Variants in TRMT11 observed in about 807,000 individuals in gnomAD.
TRMT11 encodes tRNA methyltransferase 11, also known as tRNA (guanine(10)-N(2))-methyltransferase TRMT11.
Under a neutral mutation model 62.8 loss-of-function variants are expected in TRMT11, and 53 were observed. That is an observed-to-expected ratio of 0.84 (90% CI 0.68 to 1.06). The LOEUF (loss-of-function observed/expected upper bound fraction) is 1.06. TRMT11 is among the 50% of genes least tolerant of loss of function. TRMT11 has a pLI of 0.00. For missense variants in TRMT11, 556 were observed against 553.4 expected (o/e 1.00, Z -0.05); for synonymous variants, 188 against 190.3 (o/e 0.99, Z 0.10).
chr6:126,155,374 G>A (rs1205713027), intron 21 of TRMT11, among the ~76,000 whole-genome samples: 2 of 152,132 alleles, frequency 1.3e-5, no homozygotes, highest in African/African-American at 4.8e-5. Context: ...CCAACATTCA[G>A]TATTACATTT....
intron 21 of TRMT11, among the ~76,000 whole-genome samples, chr6:126,151,592 T>C (rs1778039215): frequency 6.6e-6 from 1 of 152,202 alleles, no homozygotes; most frequent in Non-Finnish European, 1.5e-5. Flanking sequence ...CCGTGGGACC[T>C]GCCCAACCTC....
At chr6:126,179,977 A>T (rs1331278342) in intron 1 of TRMT11, among the ~76,000 whole-genome samples, 1 of 152,182 alleles carries the variant, frequency 6.6e-6, no homozygotes, top group Non-Finnish European at 1.5e-5. Flanking sequence ...GTTTCTATAT[A>T]AGAAAGGAGA....
At chr6:126,235,060 C>A in the TRMT11 span, among the ~76,000 whole-genome samples, 116 of 152,200 alleles carry the variant, frequency 7.6e-4, 1 homozygote, top group African/African-American at 2.7e-3. Context: ...ACAGATATTT[C>A]TCAAAAGAAG....
At chr6:126,231,872 G>T in the TRMT11 span, among the ~76,000 whole-genome samples, 1 of 152,102 alleles carries the variant, frequency 6.6e-6, no homozygotes, top group Non-Finnish European at 1.5e-5. Flanking sequence ...CCTTTGTGGG[G>T]CTACTCCCTG....
At chr6:126,214,933 T>C in the TRMT11 span, among the ~76,000 whole-genome samples, 1 of 152,050 alleles carries the variant, frequency 6.6e-6, no homozygotes, top group Non-Finnish European at 1.5e-5. Context: ...TTGGTTTCCA[T>C]TGTCATTTGT....
intron 11 of TRMT11, among the ~76,000 whole-genome samples, chr6:126,016,721 GA>G (rs1795036572): frequency 2.1e-5 from 3 of 144,614 alleles, no homozygotes; most frequent in Non-Finnish European, 4.5e-5. Context: ...TTTTGTCTTA[GA>G]TGTTTTATCA....
intron 8 of TRMT11, chr6:126,009,299 A>G (rs1793830067): frequency 6.6e-6 from 1 of 151,978 alleles, no homozygotes; most frequent in Non-Finnish European, 1.5e-5. Flanking sequence ...CCTTGAACTG[A>G]GAGTACTTGA....
chr6:126,134,045 GC>G (rs1777821030), intron 21 of TRMT11, among the ~76,000 whole-genome samples: 1 of 151,626 alleles, frequency 6.6e-6, no homozygotes, highest in Non-Finnish European at 1.5e-5. Context: ...GAAGGTAAGA[GC>G]AAAAAATTAA....
At chr6:126,034,208 C>T (rs1303856576) in intron 12 of TRMT11, among the ~76,000 whole-genome samples, 1 of 152,000 alleles carries the variant, frequency 6.6e-6, no homozygotes, top group Non-Finnish European at 1.5e-5. Context: ...TGCTACTTAC[C>T]AGCTGTGTGA....
intron 8 of TRMT11, 71 bp from the exon 9 acceptor site, chr6:126,011,182 C>T (rs938050118): frequency 7.4e-7 from 1 of 1,353,858 alleles, no homozygotes. Context: ...TAAAACATTA[C>T]TTTTCCTAAA....
intron 21 of TRMT11, among the ~76,000 whole-genome samples, chr6:126,120,606 G>T (rs577397371): frequency 6.6e-6 from 1 of 152,124 alleles, no homozygotes; most frequent in Non-Finnish European, 1.5e-5. Flanking sequence ...TATGTTTAAG[G>T]GCTGTAATTC....
At chr6:126,144,481 A>G (rs1487876760) in intron 21 of TRMT11, among the ~76,000 whole-genome samples, 2 of 152,294 alleles carry the variant, frequency 1.3e-5, no homozygotes, top group Non-Finnish European at 2.9e-5. Context: ...ACTTAGAACC[A>G]GCTAATGAGG....
At chr6:125,998,960 T>G (rs73592120) in intron 6 of TRMT11, among the ~76,000 whole-genome samples, 26,159 of 151,904 alleles carry the variant, frequency 0.17, 4,662 homozygotes, top group African/African-American at 0.46. Flanking sequence ...TTTTTTTTTT[T>G]TTTGTTTGTT....
chr6:125,998,596 C>T lies in TRMT11; in HGVS notation c.434C>T (p.Pro145Leu), dbSNP rs370187248. ...GAAGGAAAAGTGAATTTAAAGAAAC[C>T]GCAACATGTATTTTCTGTTTTGGAG... ...PFEGKVNLKK[P>L]QHVFSVLEDY... The change falls in exon 6 of 13, where the codon CCG becomes CTG. Residue 145 changes from proline (P) to leucine (L), a missense_variant. By Grantham distance (98) the Pro-to-Leu change is moderately conservative. Coordinates refer to ENST00000334379, the MANE Select transcript of TRMT11 (RefSeq NM_001031712.3). 4.2e-5 allele frequency: 67 copies of T among 1,613,170 alleles called. No homozygotes were observed. The highest frequency in any genetic ancestry group is 6.7e-5 in the African/African-American group (5 of 74,856).
chr6:126,134,345 G>A (rs1431650139), intron 21 of TRMT11, among the ~76,000 whole-genome samples: 1 of 151,810 alleles, frequency 6.6e-6, no homozygotes, highest in Non-Finnish European at 1.5e-5. Context: ...GAACAGGAGT[G>A]TCTATACTTA....
At chr6:126,123,641 A>T (rs1435322403) in intron 21 of TRMT11, among the ~76,000 whole-genome samples, 1 of 152,020 alleles carries the variant, frequency 6.6e-6, no homozygotes. Flanking sequence ...TATTTAATAA[A>T]AGAGGAATAA....
intron 21 of TRMT11, among the ~76,000 whole-genome samples, chr6:126,124,853 G>A (rs1777696789): frequency 6.6e-6 from 1 of 152,056 alleles, no homozygotes; most frequent in African/African-American, 2.4e-5. Flanking sequence ...TTATGTGATT[G>A]TTTGCTATAA....
chr6:126,040,456 A>G (rs975539536), downstream of TRMT11, among the ~76,000 whole-genome samples: 8 of 152,092 alleles, frequency 5.3e-5, no homozygotes, highest in African/African-American at 1.9e-4. Flanking sequence ...ATTACTTCCA[A>G]ACTATTTTGG....
chr6:126,034,746 T>C (rs1404016806), intron 12 of TRMT11, among the ~76,000 whole-genome samples: 1 of 152,060 alleles, frequency 6.6e-6, no homozygotes, highest in African/African-American at 2.4e-5. Flanking sequence ...GTAGACAGAT[T>C]TAGAAATGTT....
Sources: gnomAD v4.1 joint callset for allele counts (sites outside exome capture counted in the v4.1 genomes callset) on GRCh38, gnomAD v4.1.1 for gene constraint, MANE v1.5 for transcripts, NCBI Gene and HGNC (gene_info 2026-07-23, HGNC 2026-07-21) for gene names.